The following CASK variants were observed in gnomAD, a reference collection of about 807,000 sequenced individuals.
CASK encodes calcium/calmodulin dependent serine protein kinase, also known as peripheral plasma membrane protein CASK.
A neutral mutation model predicts 82.9 loss-of-function variants in CASK; 4 were observed. The ratio of observed to expected loss-of-function variants is 0.05; its 90% CI spans 0.02 to 0.11. The LOEUF is 0.11. Ranked by LOEUF, CASK falls within the 10% of genes least tolerant of loss-of-function variation. The pLI, the probability that CASK is intolerant of heterozygous loss-of-function variation, is 1.00. For missense variants in CASK, 358 were observed against 720.9 expected, an observed-to-expected ratio of 0.50 and a Z score of 5.76; for synonymous variants, 259 against 253.5, an observed-to-expected ratio of 1.02 and a Z score of -0.20.
intron 1 of CASK, among the ~76,000 whole-genome samples, chrX:41,871,583 A>G (rs761419343): frequency 8.9e-6 from 1 of 112,234 alleles, no homozygotes; most frequent in African/African-American, 3.2e-5. Context: ...TACCACCTAA[A>G]AACACAGCCT....
Position 41,530,958 on chromosome X carries a change from T to C in CASK, c.2520+49A>G, listed in dbSNP as rs1352635091. ...CATTTTTGATTTCAGAATCTGTGCTTATTGGCATGCAGGCAGGATGTCAGA... is the reference window on the plus strand; with the variant it reads ...CATTTTTGATTTCAGAATCTGTGCTCATTGGCATGCAGGCAGGATGTCAGA... On this transcript the variant is annotated intron_variant, in intron 25 of 26. Coordinates refer to ENST00000378163, the MANE Select transcript of CASK (RefSeq NM_001367721.1). The C allele has an allele frequency of 3.8e-6, 4 of 1,064,722 alleles. No individual in the cohort carries two copies. The Admixed American group carries it at 8.8e-5, about 23-fold the overall frequency. The allele number at this position is 1,064,722 out of a possible 1,213,427, so 87.7% of individuals were successfully genotyped here.
chrX:41,643,466 C>T (rs1201292877), intron 8 of CASK, among the ~76,000 whole-genome samples: 10 of 111,411 alleles, frequency 9.0e-5, no homozygotes, highest in African/African-American at 2.9e-4. Flanking sequence ...TGGTTTGTAG[C>T]TCTCCTTGAA....
intron 1 of CASK, among the ~76,000 whole-genome samples, chrX:41,864,335 G>A (rs1271823220): frequency 1.8e-5 from 2 of 110,935 alleles, no homozygotes; most frequent in African/African-American, 6.6e-5. Flanking sequence ...GCATCTTGTG[G>A]AGTCCTTAAA....
chrX:41,833,641 A>G (rs2070871099), intron 2 of CASK, among the ~76,000 whole-genome samples: 1 of 112,404 alleles, frequency 8.9e-6, no homozygotes. Context: ...TGTGTGAATT[A>G]TATCTCAATA....
At chrX:41,651,289 G>A (rs759934431) in intron 8 of CASK, among the ~76,000 whole-genome samples, 2 of 111,838 alleles carry the variant, frequency 1.8e-5, no homozygotes, top group African/African-American at 6.5e-5. Context: ...AAAGATCCCC[G>A]TTATGGAGAA....
intron 1 of CASK, among the ~76,000 whole-genome samples, chrX:41,914,874 A>G (rs1159782038): frequency 8.9e-6 from 1 of 112,136 alleles, no homozygotes; most frequent in African/African-American, 3.2e-5. Context: ...TCTGAGATAG[A>G]TTTACAGAGA....
intron 1 of CASK, among the ~76,000 whole-genome samples, chrX:41,857,933 T>C (rs767156421): frequency 2.7e-5 from 3 of 111,681 alleles, no homozygotes; most frequent in Admixed American, 9.5e-5. Context: ...TAGAAGACAA[T>C]AGAGCAACAC....
intron 3 of CASK, among the ~76,000 whole-genome samples, chrX:41,779,672 T>C (rs2069436258): frequency 8.9e-6 from 1 of 111,854 alleles, no homozygotes; most frequent in African/African-American, 3.2e-5. Flanking sequence ...TATGAAAATA[T>C]GAGCAAATCT....
intron 15 of CASK, among the ~76,000 whole-genome samples, chrX:41,571,829 G>A (rs2065416336): frequency 9.0e-6 from 1 of 111,544 alleles, no homozygotes; most frequent in Non-Finnish European, 1.9e-5. Flanking sequence ...GTGGCATCCT[G>A]CAAATTCTGA....
At chrX:41,719,416 A>T (rs2068122790) in intron 5 of CASK, among the ~76,000 whole-genome samples, 1 of 111,964 alleles carries the variant, frequency 8.9e-6, no homozygotes, top group Non-Finnish European at 1.9e-5. Flanking sequence ...GCAAACTAAT[A>T]AGAAAATGCC....
chrX:41,571,952 C>T (rs975670579), intron 15 of CASK, among the ~76,000 whole-genome samples: 6 of 111,377 alleles, frequency 5.4e-5, no homozygotes, highest in Admixed American at 1.9e-4. Flanking sequence ...AAGTACTTGG[C>T]GATTTATCTC....
Position 41,781,363 on chromosome X carries a change from G to GACA in CASK, c.278+5814_278+5815insTGT, listed in dbSNP as rs1284778994. Among the ~76,000 whole-genome samples, 4 of 112,594 alleles carry GACA rather than the reference G, an allele frequency of 3.6e-5. No homozygotes were observed. In the East Asian group the frequency reaches 1.1e-3, roughly 31 times the overall value. ...CATAGTCTGTGGCAAAGACAGATAT[G>GACA]GACACCATATTAAGAAACTCACTCA... On this transcript the variant is annotated intron_variant, in intron 3 of 26. Coordinates refer to ENST00000378163, the MANE Select transcript of CASK (RefSeq NM_001367721.1).
intron 5 of CASK, chrX:41,727,241 GTATC>G (rs752384079): frequency 1.2e-5 from 14 of 1,201,936 alleles, no homozygotes; most frequent in Non-Finnish European, 1.6e-5. Context: ...CCTTTCATGA[GTATC>G]TATTTCCTGA....
chrX:41,808,131 A>G (rs1285441526), intron 2 of CASK, among the ~76,000 whole-genome samples: 1 of 112,199 alleles, frequency 8.9e-6, no homozygotes, highest in African/African-American at 3.2e-5. Flanking sequence ...CCAGGATTAC[A>G]GGTGTGAGCC....
chrX:41,808,810 T>C (rs1033161702), intron 2 of CASK, among the ~76,000 whole-genome samples: 4 of 112,343 alleles, frequency 3.6e-5, no homozygotes, highest in Non-Finnish European at 5.6e-5. Flanking sequence ...TTCAGGGAAT[T>C]CCCTTTCCTA....
intron 5 of CASK, chrX:41,676,534 C>T (rs1183134714): frequency 2.3e-5 from 26 of 1,125,567 alleles, no homozygotes; most frequent in South Asian, 2.0e-4. Context: ...CGCGCCGGCA[C>T]GCGGCCTCGC....
intron 2 of CASK, among the ~76,000 whole-genome samples, chrX:41,795,879 T>C (rs2069841553): frequency 9.0e-6 from 1 of 110,622 alleles, no homozygotes; most frequent in African/African-American, 3.3e-5. Context: ...CACAATATTA[T>C]GGGAAAGAAA....
intron 5 of CASK, among the ~76,000 whole-genome samples, chrX:41,681,877 C>T (rs1311703551): frequency 9.3e-6 from 1 of 107,529 alleles, no homozygotes; most frequent in Non-Finnish European, 1.9e-5. Flanking sequence ...ACCTGGGAGG[C>T]GGAGGTTGTA....
intron 8 of CASK, among the ~76,000 whole-genome samples, chrX:41,652,801 T>A (rs1316203783): frequency 1.8e-5 from 2 of 112,458 alleles, no homozygotes; most frequent in African/African-American, 3.2e-5. Context: ...TTCATCTGTA[T>A]CCTTTGTAAT....
Sources: gnomAD v4.1 joint callset for allele counts (sites outside exome capture counted in the v4.1 genomes callset) on GRCh38, gnomAD v4.1.1 for gene constraint, MANE v1.5 for transcripts, NCBI Gene and HGNC (gene_info 2026-07-23, HGNC 2026-07-21) for gene names.